SLC35F1: variants seen among roughly 807,000 people sequenced by gnomAD.
SLC35F1 encodes solute carrier family 35 member F1.
SLC35F1 carries 14 observed loss-of-function variants against 48.7 expected under a neutral mutation model. That is an observed-to-expected ratio of 0.29 (90% CI 0.19 to 0.45). SLC35F1 has a LOEUF of 0.45. SLC35F1 is among the 20% of genes least tolerant of loss of function. The pLI is 1.00. For synonymous variants in SLC35F1, 190 were observed against 202.2 expected (o/e 0.94, Z 0.51); for missense variants, 404 against 500.0 (o/e 0.81, Z 1.83).
intron 1 of SLC35F1, among the ~76,000 whole-genome samples, chr6:118,032,383 T>G (rs1473593566): frequency 1.3e-5 from 2 of 152,162 alleles, no homozygotes; most frequent in African/African-American, 4.8e-5. Flanking sequence ...TTAGAAAACT[T>G]CGATTAATCA....
intron 1 of SLC35F1, among the ~76,000 whole-genome samples, chr6:118,112,068 C>T (rs1324814702): frequency 6.8e-6 from 1 of 146,924 alleles, no homozygotes; most frequent in African/African-American, 2.6e-5. Context: ...TTCTTTCTTT[C>T]TTTTTCTTTA....
chr6:117,932,997 A>G (rs1776121018), intron 1 of SLC35F1, among the ~76,000 whole-genome samples: 1 of 152,244 alleles, frequency 6.6e-6, no homozygotes, highest in Non-Finnish European at 1.5e-5. Flanking sequence ...AACTGTAAGG[A>G]TAAGCTCACA....
intron 5 of SLC35F1, 130 bp downstream of exon 5, chr6:118,275,745 T>A (rs2114630971): frequency 2.9e-6 from 2 of 694,862 alleles, no homozygotes; most frequent in African/African-American, 3.6e-5. Flanking sequence ...AGGACTTATG[T>A]AATCTGCCAA....
chr6:118,221,834 T>C (rs1775155529), intron 2 of SLC35F1, among the ~76,000 whole-genome samples: 1 of 152,212 alleles, frequency 6.6e-6, no homozygotes, highest in Admixed American at 6.5e-5. Context: ...TTTGTAACTA[T>C]TTCAAATGTG....
intron 1 of SLC35F1, among the ~76,000 whole-genome samples, chr6:118,090,493 A>G (rs921339843): frequency 1.5e-4 from 23 of 152,244 alleles, no homozygotes; most frequent in Admixed American, 7.2e-4. Flanking sequence ...GGTGACATTT[A>G]AGCCTCAACT....
intron 1 of SLC35F1, among the ~76,000 whole-genome samples, chr6:118,021,768 G>C (rs1387924860): frequency 4.6e-5 from 7 of 152,178 alleles, no homozygotes. Context: ...GCTGGAATTA[G>C]CTGAGCAATT....
chr6:118,112,540 C>G (rs897032358), intron 1 of SLC35F1, among the ~76,000 whole-genome samples: 3 of 152,068 alleles, frequency 2.0e-5, no homozygotes, highest in African/African-American at 7.2e-5. Flanking sequence ...TGGGCTTACC[C>G]TGAATTCTTT....
chr6:117,992,068 T>C (rs1776926048), intron 1 of SLC35F1, among the ~76,000 whole-genome samples: 1 of 152,104 alleles, frequency 6.6e-6, no homozygotes, highest in East Asian at 1.9e-4. Flanking sequence ...ATTAATATAT[T>C]CTTTTCAATT....
chr6:118,227,552 A>C lies in SLC35F1; in HGVS notation c.350-7957A>C, dbSNP rs375674897. Reference sequence around the variant, plus strand: ...TCCATAGTACTCAGCTTAACGTAAAAAATACCAGAACCTTATGCAATGATG... The same window carrying C: ...TCCATAGTACTCAGCTTAACGTAAACAATACCAGAACCTTATGCAATGATG... On this transcript the variant is annotated intron_variant, in intron 2 of 7. Transcript: ENST00000360388. 6.0e-4 allele frequency among the ~76,000 whole-genome samples: 92 copies of C among 152,334 alleles called. 1 individual carries two copies. The South Asian group carries it at 0.014, about 23-fold the overall frequency.
chr6:118,160,935 C>T (rs1050051175), intron 2 of SLC35F1, among the ~76,000 whole-genome samples: 3 of 150,516 alleles, frequency 2.0e-5, no homozygotes, highest in Admixed American at 6.6e-5. Flanking sequence ...GGGTGGTAGC[C>T]GAGGAAGCAT....
rs188026025 is a variant in SLC35F1, at chr6:118,030,800, A to G, written c.173+122901A>G. Among the ~76,000 whole-genome samples the G allele has an allele frequency of 1.6e-3, 240 of 152,278 alleles. 3 individuals are homozygous for G. Among genetic ancestry groups the G allele is most frequent in the Non-Finnish European group, 5.9e-4 (40 of 68,006 alleles). Reference sequence around the variant, plus strand: ...CTGTTCTCTCTTTGAAGCTTTCTTCATATATGTAATTTTAAGAAATAGTCT... The same window carrying G: ...CTGTTCTCTCTTTGAAGCTTTCTTCGTATATGTAATTTTAAGAAATAGTCT... On this transcript the variant is annotated intron_variant, in intron 1 of 7. Coordinates refer to ENST00000360388, the MANE Select transcript of SLC35F1 (RefSeq NM_001029858.4).
chr6:118,216,857 T>C (rs1219025125), intron 2 of SLC35F1, among the ~76,000 whole-genome samples: 2 of 152,142 alleles, frequency 1.3e-5, no homozygotes, highest in African/African-American at 4.8e-5. Flanking sequence ...TACCCAGATT[T>C]CCCACAAAGT....
At chr6:118,152,015 A>G (rs961954591) in intron 1 of SLC35F1, among the ~76,000 whole-genome samples, 2 of 152,136 alleles carry the variant, frequency 1.3e-5, no homozygotes, top group Admixed American at 6.6e-5. Flanking sequence ...AGAACATGGT[A>G]CAGGCATCAC....
intron 2 of SLC35F1, among the ~76,000 whole-genome samples, chr6:118,197,303 T>C (rs1020446944): frequency 7.2e-5 from 11 of 152,128 alleles, no homozygotes; most frequent in African/African-American, 2.7e-4. Context: ...CTAAGAGATA[T>C]CTTTGACTCT....
At chr6:118,219,523 C>T (rs955391856) in intron 2 of SLC35F1, among the ~76,000 whole-genome samples, 11 of 152,006 alleles carry the variant, frequency 7.2e-5, no homozygotes, top group South Asian at 4.1e-4. Flanking sequence ...CAGGTGCTAG[C>T]GAGGATGTGG....
chr6:118,270,478 T>C (rs1057067639), intron 4 of SLC35F1, among the ~76,000 whole-genome samples: 1 of 152,204 alleles, frequency 6.6e-6, no homozygotes, highest in Non-Finnish European at 1.5e-5. Flanking sequence ...TTAGAGACTA[T>C]AGAGTGGTAT....
intron 2 of SLC35F1, among the ~76,000 whole-genome samples, chr6:118,179,726 A>AGGCTTTT (rs1259059049): frequency 3.3e-5 from 5 of 152,112 alleles, no homozygotes; most frequent in Non-Finnish European, 5.9e-5. Context: ...TATTTTTTAA[A>AGGCTTTT]GGCTTTTTTT....
chr6:117,976,741 C>T (rs1442396876), intron 1 of SLC35F1, among the ~76,000 whole-genome samples: 1 of 152,060 alleles, frequency 6.6e-6, no homozygotes, highest in African/African-American at 2.4e-5. Context: ...AAAAGTAGTA[C>T]ACATTTATTG....
At chr6:118,046,445 C>T (rs918061810) in intron 1 of SLC35F1, among the ~76,000 whole-genome samples, 1 of 152,136 alleles carries the variant, frequency 6.6e-6, no homozygotes, top group African/African-American at 2.4e-5. Context: ...ATACTTATTA[C>T]CGAGTGCTCT....
Sources: gnomAD v4.1 joint callset for allele counts (sites outside exome capture counted in the v4.1 genomes callset) on GRCh38, gnomAD v4.1.1 for gene constraint, MANE v1.5 for transcripts, NCBI Gene and HGNC (gene_info 2026-07-23, HGNC 2026-07-21) for gene names.